ERICH3: variants seen among roughly 807,000 people sequenced by gnomAD.
ERICH3 encodes the protein glutamate-rich protein 3.
ERICH3 carries 126 observed loss-of-function variants against 131.1 expected under a neutral mutation model. That is an observed-to-expected ratio of 0.96 (90% confidence interval 0.83 to 1.11). The LOEUF (loss-of-function observed/expected upper bound fraction) is 1.11, where lower values mean the gene tolerates loss of function less well. Ranked by LOEUF, ERICH3 falls within the 50% of genes most tolerant of loss-of-function variation. The probability of loss-of-function intolerance (pLI) is 0.00; values close to 1 mark genes in which losing one functional copy is unlikely to be tolerated. For missense variants in ERICH3, 2,050 were observed against 1,810.7 expected, an observed-to-expected ratio of 1.13 and a Z score of -2.40; for synonymous variants, 695 against 644.6, an observed-to-expected ratio of 1.08 and a Z score of -1.18.
chr1:74,656,510 T>C (rs975160621), intron 1 of ERICH3, among the ~76,000 whole-genome samples: 2 of 152,122 alleles, frequency 1.3e-5, no homozygotes, highest in African/African-American at 4.8e-5. Flanking sequence ...CGACTTGAGT[T>C]CCAAATCTAA....
At chr1:74,654,490 AG>A (rs1646566235) in intron 1 of ERICH3, among the ~76,000 whole-genome samples, 1 of 152,044 alleles carries the variant, frequency 6.6e-6, no homozygotes, top group African/African-American at 2.4e-5. Context: ...CTATTTTTGG[AG>A]GCTGGAAGTC....
intron 10 of ERICH3, among the ~76,000 whole-genome samples, chr1:74,605,335 A>C (rs947721259): frequency 6.6e-6 from 1 of 151,904 alleles, no homozygotes; most frequent in Non-Finnish European, 1.5e-5. Context: ...ATATATCAGC[A>C]ATAACGATTT....
At chr1:74,612,961 G>C in intron 8 of ERICH3, 152 bp from the exon 9 acceptor site, 1 of 549,776 alleles carries the variant, frequency 1.8e-6, no homozygotes, top group Non-Finnish European at 3.0e-6. Flanking sequence ...GGAAGAAGAA[G>C]AATTGTCTTG....
chr1:74,619,352 A>G (rs191999524), intron 8 of ERICH3, among the ~76,000 whole-genome samples: 44 of 152,308 alleles, frequency 2.9e-4, no homozygotes, highest in Admixed American at 9.1e-4. Context: ...ATAAAGTGTG[A>G]TCTAAAGTCC....
chr1:74,629,119 A>G (rs1649507310), intron 7 of ERICH3, among the ~76,000 whole-genome samples: 1 of 152,148 alleles, frequency 6.6e-6, no homozygotes, highest in Non-Finnish European at 1.5e-5. Context: ...AAAATCATAC[A>G]GATCAAGAAT....
At chr1:74,663,860 T>C (rs983199945) in intron 1 of ERICH3, among the ~76,000 whole-genome samples, 1 of 152,108 alleles carries the variant, frequency 6.6e-6, no homozygotes, top group Non-Finnish European at 1.5e-5. Flanking sequence ...GGAGTTTGGC[T>C]TTCTGTTACT....
At chr1:74,589,426 C>T (rs1025723890) in intron 12 of ERICH3, 13 of 591,992 alleles carry the variant, frequency 2.2e-5, no homozygotes, top group African/African-American at 3.7e-5. Context: ...TAGAAATTAT[C>T]GAGTAATTTT....
chr1:74,612,863 C>T (rs1283684291), intron 8 of ERICH3, 54 bp from the exon 9 acceptor site: 39 of 1,411,810 alleles, frequency 2.8e-5, no homozygotes, highest in Admixed American at 1.9e-5. Context: ...GGACTAACAT[C>T]TGTTAAATCA....
At chr1:74,573,976 T>C (rs1162381719) in intron 13 of ERICH3, among the ~76,000 whole-genome samples, 2 of 151,530 alleles carry the variant, frequency 1.3e-5, no homozygotes, top group Non-Finnish European at 2.9e-5. Context: ...TATTATTTTA[T>C]TTGTCTCTTT....
chr1:74,573,198 C>T lies in ERICH3; in HGVS notation c.2512G>A (p.Gly838Arg). The T allele has an allele frequency of 6.2e-7, 1 of 1,612,694 alleles. No homozygotes were observed. The highest frequency in any genetic ancestry group is 8.5e-7 in the Non-Finnish European group (1 of 1,179,250). ...TCTGCTTCTGCTGCTCCCTCTGCCCCCCTTTCTATGCCTGGAGGGATCTCC... is the reference window on the plus strand; with the variant it reads ...TCTGCTTCTGCTGCTCCCTCTGCCCTCCTTTCTATGCCTGGAGGGATCTCC... ...KREIPPGIER[G>R]AEGAAEAEGV... The change falls in exon 14 of 15, where the codon GGG (glycine) becomes AGG (arginine). Residue 838 changes from glycine (G) to arginine (R), a missense_variant. Transcript: ENST00000326665.
In ERICH3 at chr1:74,591,967, G is replaced by A. The variant is rs547853619; in HGVS notation, c.1727-1887C>T. ...CGATGGCTGTAGCAGCTAATGCAGA[G>A]TTTAAGATAAAAAATACCTGTCTTT... is the stretch of plus-strand genomic sequence containing the variant. On this transcript the variant is annotated intron_variant, in intron 11 of 14. Coordinates refer to ENST00000326665, the MANE Select transcript of ERICH3 (RefSeq NM_001002912.5). 4.6e-5 allele frequency: 7 copies of A among 152,218 alleles called. No homozygotes were observed. The East Asian group carries it at 1.4e-3, about 29-fold the overall frequency. The allele number at this position is 152,218 out of a possible 1,614,324, so 9.4% of individuals were successfully genotyped here. A position where few individuals can be genotyped will look rare whatever the true frequency, so the allele number is the denominator to read the frequency against.
In ERICH3 at chr1:74,643,093, G is replaced by A; in HGVS notation, c.249C>T (p.Tyr83=). 1 of 1,609,342 alleles carries A rather than the reference G, an allele frequency of 6.2e-7. No homozygotes were observed. The highest frequency in any genetic ancestry group is 8.5e-7 in the Non-Finnish European group (1 of 1,177,208). Residue 83 remains tyrosine, a synonymous_variant, in exon 4 of 15, where the codon TAC becomes TAT. Transcript: ENST00000326665. ...ATTTCTTTTTTATTTCAAGCTGATG[G>A]TAACGCTAAGCATACAGGAAAGAAT... ...IFHKVLDMER[Y]HQLEIKKKLE... is the part of the protein sequence containing the mutation.
chr1:74,591,518 G>T (rs562507473), intron 11 of ERICH3, among the ~76,000 whole-genome samples: 76 of 152,264 alleles, frequency 5.0e-4, no homozygotes, highest in South Asian at 6.2e-4. Flanking sequence ...GTCCAGGGCA[G>T]TCCTCTGAAA....
At chr1:74,605,658 G>C (rs1018264496) in intron 10 of ERICH3, among the ~76,000 whole-genome samples, 26 of 151,618 alleles carry the variant, frequency 1.7e-4, no homozygotes, top group African/African-American at 5.8e-4. Flanking sequence ...GAGAACAGCT[G>C]GTCAGTGGAG....
intron 12 of ERICH3, among the ~76,000 whole-genome samples, chr1:74,585,989 T>C (rs948528266): frequency 6.6e-6 from 1 of 152,106 alleles, no homozygotes; most frequent in African/African-American, 2.4e-5. Flanking sequence ...CTGAATATTA[T>C]ACATGGTCTT....
At chr1:74,586,097 G>A (rs1203659718) in intron 12 of ERICH3, among the ~76,000 whole-genome samples, 1 of 151,862 alleles carries the variant, frequency 6.6e-6, no homozygotes, top group Non-Finnish European at 1.5e-5. Context: ...TGTGGAAGAT[G>A]AACAATAGAA....
At chr1:74,603,382 G>T (rs1005068441) in intron 10 of ERICH3, among the ~76,000 whole-genome samples, 3 of 151,888 alleles carry the variant, frequency 2.0e-5, no homozygotes, top group African/African-American at 7.2e-5. Context: ...TTCCCAGCCT[G>T]TAAAATTGAA....
intron 8 of ERICH3, among the ~76,000 whole-genome samples, chr1:74,614,101 T>C (rs1251065002): frequency 2.6e-5 from 4 of 152,158 alleles, no homozygotes; most frequent in African/African-American, 9.7e-5. Flanking sequence ...TCAGTACGTC[T>C]GTGGTAAGAA....
chr1:74,669,179 C>T (rs1646718866), intron 1 of ERICH3, among the ~76,000 whole-genome samples: 1 of 152,142 alleles, frequency 6.6e-6, no homozygotes, highest in South Asian at 2.1e-4. Context: ...TCTTTCTTTA[C>T]CATGCTTCAG....
Sources: allele counts gnomAD v4.1 joint callset (sites outside exome capture counted in the v4.1 genomes callset), GRCh38; gene constraint gnomAD v4.1.1; transcripts MANE v1.5; gene names NCBI Gene and HGNC (gene_info 2026-07-23, HGNC 2026-07-21).